Variants in SLC4A5 observed in about 807,000 individuals in gnomAD.
SLC4A5 encodes the protein electrogenic sodium bicarbonate cotransporter 4.
Under a neutral mutation model 120.4 loss-of-function variants are expected in SLC4A5, and 96 were observed. The observed-to-expected ratio is 0.80, with a 90% CI of 0.68 to 0.94. The LOEUF (loss-of-function observed/expected upper bound fraction) is 0.94. Ranked by LOEUF, SLC4A5 falls within the 40% of genes least tolerant of loss-of-function variation. The pLI is 0.00. For missense variants in SLC4A5, 1,259 were observed against 1,459.5 expected (o/e 0.86, Z 2.24); for synonymous variants, 550 against 571.1 (o/e 0.96, Z 0.53).
Position 74,241,986 on chromosome 2 carries a change from G to A in SLC4A5, c.2118+8C>T, listed in dbSNP as rs777725671. 6 of 1,601,306 alleles carry A rather than the reference G, an allele frequency of 3.7e-6. No individual in the cohort carries two copies. The African/African-American group carries it at 6.7e-5, about 18-fold the overall frequency. On this transcript the variant is annotated splice_region_variant and intron_variant, in intron 20 of 30. Coordinates refer to ENST00000394019, the Ensembl canonical transcript of SLC4A5. ...CTCAAATGTCTAACATAAGAGGAAA[G>A]GACTTACCAGAGAAGCGTTGGTGTC...
chr2:74,333,542 T>C (rs1396812062), intron 4 of SLC4A5, among the ~76,000 whole-genome samples: 1 of 152,194 alleles, frequency 6.6e-6, no homozygotes, highest in African/African-American at 2.4e-5. Context: ...ACTATTTACA[T>C]AGCATTTACA....
intron 6 of SLC4A5, chr2:74,307,665 A>T: frequency 9.9e-7 from 1 of 1,005,240 alleles, no homozygotes; most frequent in Non-Finnish European, 1.5e-6. Flanking sequence ...CTTCTTCTCC[A>T]GGTGCTCCCG....
At chr2:74,217,403 A>G (rs1478170127) in exon 31 of SLC4A5, 2 of 152,204 alleles carry the variant, frequency 1.3e-5, no homozygotes, top group East Asian at 3.8e-4. Context: ...ACTGGTTTTT[A>G]TCTTCCCAAA....
intron 5 of SLC4A5, among the ~76,000 whole-genome samples, chr2:74,326,245 A>G (rs1300770561): frequency 6.6e-6 from 1 of 152,194 alleles, no homozygotes; most frequent in African/African-American, 2.4e-5. Flanking sequence ...ATCCACTACA[A>G]TATCTTGCCA....
rs377398491 is a variant in SLC4A5 at position 74,241,974 on chromosome 2, C to A, written c.2118+20G>T. ...CAAACAAAAGCACTCAAATGTCTAACATAAGAGGAAAGGACTTACCAGAGA... is the reference window on the plus strand; with the variant it reads ...CAAACAAAAGCACTCAAATGTCTAAAATAAGAGGAAAGGACTTACCAGAGA... On this transcript the variant is annotated intron_variant, in intron 20 of 30. Coordinates refer to ENST00000394019, the Ensembl canonical transcript of SLC4A5. The A allele has an allele frequency of 2.5e-6, 4 of 1,596,496 alleles. No individual in the cohort carries two copies. Among genetic ancestry groups the A allele is most frequent in the Non-Finnish European group, 3.4e-6 (4 of 1,168,622 alleles).
At chr2:74,318,130 G>C (rs550918207) in intron 5 of SLC4A5, among the ~76,000 whole-genome samples, 1 of 151,238 alleles carries the variant, frequency 6.6e-6, no homozygotes, top group Non-Finnish European at 1.5e-5. Flanking sequence ...ACAACCTACA[G>C]AATGAAAAAA....
At chr2:74,252,474 C>G (rs953609934) in intron 15 of SLC4A5, 86 bp from the exon 16 acceptor site, 2 of 1,504,370 alleles carry the variant, frequency 1.3e-6, no homozygotes, top group Non-Finnish European at 1.8e-6. Context: ...TCTTAAAAGA[C>G]AGACAAAAAT....
chr2:74,327,814 A>G (rs559591086), intron 5 of SLC4A5, among the ~76,000 whole-genome samples: 27 of 152,356 alleles, frequency 1.8e-4, no homozygotes, highest in Middle Eastern at 6.8e-3. Context: ...GTTCTATTAG[A>G]TGAGAACAAG....
chr2:74,312,619 T>C (rs541621013), intron 6 of SLC4A5, among the ~76,000 whole-genome samples: 2 of 152,190 alleles, frequency 1.3e-5, no homozygotes, highest in Admixed American at 1.3e-4. Context: ...TTAATTGATA[T>C]GTTTAGACCA....
rs185734657 is a variant in SLC4A5, at chr2:74,307,664, C to T, written c.80-2984G>A. 4.8e-4 allele frequency: 478 copies of T among 1,005,550 alleles called. 4 individuals are homozygous for T. The African/African-American group carries it at 6.8e-3, about 14-fold the overall frequency. 62.3% of individuals were successfully genotyped at this position (1,005,550 alleles called of 1,614,324 possible). On this transcript the variant is annotated intron_variant, in intron 6 of 30. Transcript: ENST00000394019. ...CTCTGACCTGGGGTCCCTTCTTCTC[C>T]AGGTGCTCCCGGATTTTGCTCTCCA... is the stretch of plus-strand genomic sequence containing the variant.
intron 3 of SLC4A5, among the ~76,000 whole-genome samples, chr2:74,336,940 T>C (rs1377187159): frequency 6.6e-6 from 1 of 152,158 alleles, no homozygotes; most frequent in Non-Finnish European, 1.5e-5. Flanking sequence ...AAGGAGCCTC[T>C]TTCCTTAGGG....
At chr2:74,217,605 C>T (rs1694486345) in exon 31 of SLC4A5, 1 of 152,150 alleles carries the variant, frequency 6.6e-6, no homozygotes, top group Admixed American at 6.5e-5. Flanking sequence ...GTATGAAAAA[C>T]CAGTGATACT....
intron 30 of SLC4A5, among the ~76,000 whole-genome samples, chr2:74,219,855 A>G (rs937749126): frequency 1.3e-5 from 2 of 152,188 alleles, no homozygotes; most frequent in African/African-American, 4.8e-5. Flanking sequence ...GAAGGTGGAG[A>G]TTAACTGGGA....
chr2:74,282,078 T>C (rs1365242852), intron 8 of SLC4A5, among the ~76,000 whole-genome samples: 1 of 152,164 alleles, frequency 6.6e-6, no homozygotes, highest in Admixed American at 6.5e-5. Context: ...TATTTTTTTG[T>C]GGGGGTGACA....
chr2:74,258,527 A>T lies in SLC4A5; in HGVS notation c.867+1061T>A, dbSNP rs966045001. 2.6e-4 allele frequency among the ~76,000 whole-genome samples: 40 copies of T among 152,240 alleles called. 1 individual carries two copies. The highest frequency in any genetic ancestry group is 3.1e-4 in the Non-Finnish European group (21 of 68,046). ...TGAGTAAAAGTGGTTTTCCTCTCCA[A>T]ATAATGTTCCAGAATACTGACTAGT... On this transcript the variant is annotated intron_variant, in intron 12 of 30. Transcript: ENST00000394019.
At chr2:74,328,300 A>T in intron 4 of SLC4A5, 114 bp from the exon 5 acceptor site, 1 of 508,720 alleles carries the variant, frequency 2.0e-6, no homozygotes. Context: ...AGGTGGGGGG[A>T]GGGACGCTCC....
intron 17 of SLC4A5, among the ~76,000 whole-genome samples, chr2:74,249,506 AAG>A (rs1209213038): frequency 6.6e-6 from 1 of 152,182 alleles, no homozygotes; most frequent in Middle Eastern, 3.2e-3. Context: ...AATGCTGAGA[AAG>A]AGAATGCTGG....
chr2:74,217,754 G>T (rs1052281075), exon 31 of SLC4A5: 2 of 152,300 alleles, frequency 1.3e-5, no homozygotes, highest in African/African-American at 4.8e-5. Context: ...TTTCAATCTG[G>T]GAAAGCCCCA....
intron 7 of SLC4A5, among the ~76,000 whole-genome samples, chr2:74,304,092 G>A (rs576603098): frequency 1.3e-4 from 19 of 151,936 alleles, no homozygotes; most frequent in Non-Finnish European, 2.2e-4. Flanking sequence ...CTCGTGATCC[G>A]CCCACCTCGG....
Sources: allele counts gnomAD v4.1 joint callset (sites outside exome capture counted in the v4.1 genomes callset), GRCh38; gene constraint gnomAD v4.1.1; transcripts MANE v1.5; gene names NCBI Gene and HGNC (gene_info 2026-07-23, HGNC 2026-07-21).